The following ITM2C variants were observed in gnomAD, a reference collection of about 807,000 sequenced individuals.
ITM2C encodes integral membrane protein 2C.
In ITM2C, 20 loss-of-function variants were observed where a neutral mutation model predicts 30.0. That is an observed-to-expected ratio of 0.67 (90% CI 0.47 to 0.97). The LOEUF is 0.97. ITM2C is among the 50% of genes least tolerant of loss of function. The pLI is 0.00. For synonymous variants in ITM2C, 167 were observed against 156.4 expected (o/e 1.07, Z -0.51); for missense variants, 366 against 371.9 (o/e 0.98, Z 0.13).
Position 230,876,913 on chromosome 2 carries a change from C to T in ITM2C, c.507C>T (p.Asn169=), listed in dbSNP as rs142625451. 2.5e-6 allele frequency: 4 copies of T among 1,614,114 alleles called. No individual in the cohort carries two copies. Among genetic ancestry groups the T allele is most frequent in the Non-Finnish European group, 3.4e-6 (4 of 1,179,962 alleles). The change falls in exon 4 of 6, where the codon AAC becomes AAT. Residue 169 remains asparagine, a synonymous_variant. Transcript: ENST00000326427. ...ACAAGTGCTATGTCATCGAACTCAA[C>T]ACCACCATTGTGCTGCCCCCTCGCA... ...SLDKCYVIEL[N]TTIVLPPRNF... is the part of the protein sequence containing the mutation.
chr2:230,871,987 G>C lies in ITM2C; in HGVS notation c.121-1430G>C, dbSNP rs180864653. Among the ~76,000 whole-genome samples the C allele has an allele frequency of 3.3e-3, 497 of 152,360 alleles. 2 individuals carry two copies. Among genetic ancestry groups the C allele is most frequent in the Non-Finnish European group, 5.2e-3 (352 of 68,030 alleles). On this transcript the variant is annotated intron_variant, in intron 1 of 5. Transcript: ENST00000326427. ...ATAGGGCCTGTCCTGAGTCACTTAG[G>C]CCTGAACCACCCCCCTCCAGGGGGA...
At chr2:230,870,137 ACTGTCC>A (rs1178506161) in intron 1 of ITM2C, among the ~76,000 whole-genome samples, 10 of 152,204 alleles carry the variant, frequency 6.6e-5, no homozygotes, top group Admixed American at 5.2e-4. Flanking sequence ...CTGATGCCCC[ACTGTCC>A]CCAGACAGGT....
At position 230,868,462 on chromosome 2, in the gene ITM2C, C is replaced by T. The variant is rs3098328; in HGVS notation, c.120+3317C>T. Reference sequence around the variant, plus strand: ...TCCCCACACCCTGCCTGTGCCTGCACTCACACACACACACACACACACTTA... The same window carrying T: ...TCCCCACACCCTGCCTGTGCCTGCATTCACACACACACACACACACACTTA... On this transcript the variant is annotated intron_variant, in intron 1 of 5. Transcript: ENST00000326427. Among the ~76,000 whole-genome samples, 26 of 31,852 alleles carry T rather than the reference C, an allele frequency of 8.2e-4. No individual in the cohort carries two copies. The East Asian group carries it at 0.015, about 19-fold the overall frequency. The allele number at this position is 31,852 out of a possible 152,430, so 20.9% of individuals were successfully genotyped here. A position where few individuals can be genotyped will look rare whatever the true frequency, so the allele number is the denominator to read the frequency against.
At chr2:230,873,790 G>A (rs1053375142) in intron 2 of ITM2C, among the ~76,000 whole-genome samples, 2 of 152,220 alleles carry the variant, frequency 1.3e-5, no homozygotes, top group Non-Finnish European at 2.9e-5. Context: ...ATGAATCCGG[G>A]TGACAGCACT....
upstream of ITM2C, among the ~76,000 whole-genome samples, chr2:230,864,356 A>G (rs138036925): frequency 1.3e-5 from 2 of 152,150 alleles, no homozygotes; most frequent in African/African-American, 4.8e-5. This position sits in a 1 kb window ranked among gnomAD's most constrained non-coding sequence, Gnocchi z 4.3. Context: ...TTGCAGGAAT[A>G]AAGAATGAAG....
At chr2:230,864,323 C>A (rs531307965), upstream of ITM2C, among the ~76,000 whole-genome samples, 138 of 152,234 alleles carry the variant, frequency 9.1e-4, 1 homozygote, top group African/African-American at 3.0e-3. The surrounding 1 kb of genome is among the most constrained non-coding windows in gnomAD (Gnocchi z 4.3). Context: ...CCAGCGTGCA[C>A]CCCAGGACCC....
At chr2:230,874,440 C>A (rs1697240046) in intron 2 of ITM2C, among the ~76,000 whole-genome samples, 1 of 152,132 alleles carries the variant, frequency 6.6e-6, no homozygotes, top group African/African-American at 2.4e-5. Flanking sequence ...TCCCACAGGC[C>A]TCTTCCTGTT....
rs568007181 is a variant in ITM2C at position 230,870,540 on chromosome 2, G to A, written c.121-2877G>A. On this transcript the variant is annotated intron_variant, in intron 1 of 5. Coordinates refer to ENST00000326427, the MANE Select transcript of ITM2C (RefSeq NM_030926.6). ...CCCACCCGCAGTCTAGGTAAGGTGG[G>A]GGATCCCCAGCCTTCACAGTGAGGG... is the stretch of plus-strand genomic sequence containing the variant. 2.8e-3 allele frequency among the ~76,000 whole-genome samples: 421 copies of A among 152,298 alleles called. 3 individuals carry two copies. Among genetic ancestry groups the A allele is most frequent in the African/African-American group, 9.6e-3 (399 of 41,566 alleles).
intron 1 of ITM2C, among the ~76,000 whole-genome samples, chr2:230,869,132 ACT>A (rs1480825902): frequency 1.3e-5 from 2 of 151,704 alleles, no homozygotes; most frequent in Non-Finnish European, 2.9e-5. Flanking sequence ...CCACCGCCCC[ACT>A]CTCTCCAAGT....
rs1697327052 is a variant in ITM2C, at chr2:230,877,259, G to C, written c.562-141G>C. 1 of 800,574 alleles carries C rather than the reference G, an allele frequency of 1.2e-6. No individual in the cohort carries two copies. The highest frequency in any genetic ancestry group is 2.0e-6 in the Non-Finnish European group (1 of 497,488). 49.6% of individuals were successfully genotyped at this position (800,574 alleles called of 1,614,324 possible). On this transcript the variant is annotated intron_variant, in intron 4 of 5. Transcript: ENST00000326427. This position sits in a 1 kb window ranked among gnomAD's most constrained non-coding sequence, Gnocchi z 4.8. The stretch of plus-strand genomic sequence containing the variant: ...CTGGCAGCACAGGTGCAGGCACCGG[G>C]CACAGGCAGGAAGTGCCTGAGGACA...
chr2:230,876,136 T>G lies in ITM2C; in HGVS notation c.450+328T>G, dbSNP rs114829256. On this transcript the variant is annotated intron_variant, in intron 3 of 5. Coordinates refer to ENST00000326427, the MANE Select transcript of ITM2C (RefSeq NM_030926.6). ...GCGGGTCTCTGCAGAGTGGGTCTCA[T>G]GCGTATTCATGTAACCCCCATGGGT... Among the ~76,000 whole-genome samples the G allele has an allele frequency of 7.4e-3, 1,121 of 152,256 alleles. 10 individuals are homozygous for G. Among genetic ancestry groups the G allele is most frequent in the Non-Finnish European group, 8.3e-3 (564 of 68,022 alleles).
intron 1 of ITM2C, among the ~76,000 whole-genome samples, chr2:230,866,684 T>G (rs1697036186): frequency 6.6e-6 from 1 of 151,962 alleles, no homozygotes; most frequent in South Asian, 2.1e-4. Flanking sequence ...TTGCAAGGGG[T>G]TCTTCAAGAC....
At chr2:230,875,471 C>A in intron 2 of ITM2C, 149 bp from the exon 3 acceptor site, 1 of 630,112 alleles carries the variant, frequency 1.6e-6, no homozygotes, top group Non-Finnish European at 2.7e-6. Flanking sequence ...TCAGTTTCTC[C>A]ATCTGCGAAA....
intron 1 of ITM2C, among the ~76,000 whole-genome samples, chr2:230,871,631 T>C (rs1472901845): frequency 6.6e-6 from 1 of 152,200 alleles, no homozygotes; most frequent in Non-Finnish European, 1.5e-5. Context: ...GGCCCCGGCC[T>C]CCTCATGGGC....
rs542863237 is a variant in ITM2C at position 230,879,002 on chromosome 2, C to T, written c.*903C>T. On this transcript the variant is annotated 3_prime_UTR_variant, in exon 6 of 6. Coordinates refer to ENST00000326427, the MANE Select transcript of ITM2C (RefSeq NM_030926.6). Reference sequence around the variant, plus strand: ...CACCTGGTACTTGTCCACCCTGCCTCCTCTGTTCTGAAATTCCATCCCCCT... The same window carrying T: ...CACCTGGTACTTGTCCACCCTGCCTTCTCTGTTCTGAAATTCCATCCCCCT... 1.3e-5 allele frequency: 2 copies of T among 152,770 alleles called. No individual in the cohort carries two copies. The highest frequency in any genetic ancestry group is 4.1e-4 in the South Asian group (2 of 4,824). The allele number at this position is 152,770 out of a possible 1,614,324, so 9.5% of individuals were successfully genotyped here. A position where few individuals can be genotyped will look rare whatever the true frequency, so the allele number is the denominator to read the frequency against.
chr2:230,865,150 G>C lies in ITM2C; in HGVS notation c.120+5G>C, dbSNP rs1177996502. The C allele has an allele frequency of 6.8e-7, 1 of 1,471,370 alleles. No individual in the cohort carries two copies. Among genetic ancestry groups the C allele is most frequent in the Admixed American group, 2.2e-5 (1 of 46,468 alleles). 91.1% of individuals were successfully genotyped at this position (1,471,370 alleles called of 1,614,324 possible). ...ATCCTGCTGACGCCGGCTAGGGTGA[G>C]AGGGTCTGGGGCTCAGGCGGTGGGG... On this transcript the variant is annotated splice_donor_5th_base_variant and intron_variant, in intron 1 of 5. Transcript: ENST00000326427. The surrounding 1 kb of genome is among the most constrained non-coding windows in gnomAD (Gnocchi z 6.8).
At chr2:230,875,514 G>A (rs959387468) in intron 2 of ITM2C, 106 bp from the exon 3 acceptor site, 24 of 966,056 alleles carry the variant, frequency 2.5e-5, no homozygotes, top group African/African-American at 1.1e-4. Flanking sequence ...TCTTGCTTCC[G>A]CAGGCTTTTG....
intron 1 of ITM2C, among the ~76,000 whole-genome samples, chr2:230,871,612 G>A (rs1309978709): frequency 6.6e-6 from 1 of 152,214 alleles, no homozygotes; most frequent in Admixed American, 6.5e-5. Flanking sequence ...GCAGGGCAAG[G>A]TGGGGAGAGG....
At chr2:230,868,825 C>T (rs906192151) in intron 1 of ITM2C, among the ~76,000 whole-genome samples, 3 of 152,242 alleles carry the variant, frequency 2.0e-5, no homozygotes, top group African/African-American at 4.8e-5. Context: ...GGGCCTGGCC[C>T]GAAAGCACTT....
Sources: allele counts gnomAD v4.1 joint callset (sites outside exome capture counted in the v4.1 genomes callset), GRCh38; gene constraint gnomAD v4.1.1; non-coding constraint Gnocchi (gnomAD v3.1); transcripts MANE v1.5; gene names NCBI Gene and HGNC (gene_info 2026-07-23, HGNC 2026-07-21).